Variants in PTPRD observed in about 807,000 individuals in gnomAD.
The protein encoded by PTPRD is receptor-type tyrosine-protein phosphatase delta.
PTPRD carries 34 observed loss-of-function variants against 214.5 expected under a neutral mutation model. The ratio of observed to expected loss-of-function variants is 0.16; its 90% CI spans 0.12 to 0.21. The LOEUF is 0.21. Ranked by LOEUF, PTPRD falls within the 10% of genes least tolerant of loss-of-function variation. The probability of loss-of-function intolerance (pLI) is 1.00; values close to 1 mark genes in which losing one functional copy is unlikely to be tolerated. For synonymous variants in PTPRD, 1,128 were observed against 845.7 expected, an observed-to-expected ratio of 1.33 and a Z score of -5.79; for missense variants, 2,545 against 2,398.7, an observed-to-expected ratio of 1.06 and a Z score of -1.27.
intron 8 of PTPRD, among the ~76,000 whole-genome samples, chr9:9,549,868 G>T (rs138116721): frequency 6.6e-6 from 1 of 151,940 alleles, no homozygotes; most frequent in South Asian, 2.1e-4. Flanking sequence ...AATATCTTGG[G>T]ATCTAGGGCT....
intron 11 of PTPRD, among the ~76,000 whole-genome samples, chr9:8,868,136 G>T (rs879065523): frequency 6.6e-6 from 1 of 152,118 alleles, no homozygotes; most frequent in Admixed American, 6.6e-5. Context: ...TATGTGCCCA[G>T]CCCACGCATA....
At chr9:8,719,986 TA>T (rs1408928513) in intron 12 of PTPRD, among the ~76,000 whole-genome samples, 2 of 152,240 alleles carry the variant, frequency 1.3e-5, no homozygotes, top group African/African-American at 4.8e-5. Context: ...TTGATAACAG[TA>T]ATCACCATGT....
intron 7 of PTPRD, among the ~76,000 whole-genome samples, chr9:9,722,417 TG>T (rs1283205621): frequency 6.6e-6 from 1 of 152,124 alleles, no homozygotes; most frequent in Non-Finnish European, 1.5e-5. Context: ...CTTTTACTTT[TG>T]GAAAAATAGC....
chr9:8,531,025 C>T (rs1056241118), intron 14 of PTPRD, among the ~76,000 whole-genome samples: 12 of 151,970 alleles, frequency 7.9e-5, no homozygotes, highest in African/African-American at 2.9e-4. Flanking sequence ...TAGTTAGGGC[C>T]GGGTACTAAA....
At chr9:8,735,031 C>A (rs1017620599) in intron 11 of PTPRD, among the ~76,000 whole-genome samples, 1 of 152,026 alleles carries the variant, frequency 6.6e-6, no homozygotes, top group African/African-American at 2.4e-5. Context: ...ATGCACGGGG[C>A]CCCCTGGAAG....
intron 9 of PTPRD, among the ~76,000 whole-genome samples, chr9:9,204,489 C>T (rs1349673455): frequency 6.6e-6 from 1 of 152,158 alleles, no homozygotes; most frequent in African/African-American, 2.4e-5. Flanking sequence ...GTTTCCTAGC[C>T]TCTAAGCATT....
chr9:10,083,247 C>T (rs1235829200), intron 3 of PTPRD, among the ~76,000 whole-genome samples: 1 of 151,922 alleles, frequency 6.6e-6, no homozygotes, highest in Non-Finnish European at 1.5e-5. Context: ...ACAGTAATAG[C>T]TTGTCTTTTT....
intron 8 of PTPRD, among the ~76,000 whole-genome samples, chr9:9,479,667 A>C (rs2095312612): frequency 6.6e-6 from 1 of 152,154 alleles, no homozygotes; most frequent in Non-Finnish European, 1.5e-5. Context: ...TTGATAATAA[A>C]TGATGGCAAT....
chr9:10,515,577 T>G (rs1255531568), intron 2 of PTPRD, among the ~76,000 whole-genome samples: 1 of 109,142 alleles, frequency 9.2e-6, no homozygotes, highest in Admixed American at 9.7e-5. Flanking sequence ...TAATTTTTAT[T>G]TAAAATTTGT....
intron 5 of PTPRD, among the ~76,000 whole-genome samples, chr9:9,807,369 T>C (rs1242322868): frequency 1.3e-5 from 2 of 152,084 alleles, no homozygotes; most frequent in African/African-American, 4.8e-5. Flanking sequence ...AAGATAAGTA[T>C]TGAAAATCCT....
intron 12 of PTPRD, among the ~76,000 whole-genome samples, chr9:8,728,400 G>A (rs1565609607): frequency 6.6e-6 from 1 of 152,150 alleles, no homozygotes; most frequent in Non-Finnish European, 1.5e-5. Context: ...GTCTTGCTAT[G>A]TTGTCCAGGC....
intron 10 of PTPRD, among the ~76,000 whole-genome samples, chr9:9,063,089 G>A (rs1430458214): frequency 6.6e-6 from 1 of 152,114 alleles, no homozygotes; most frequent in Non-Finnish European, 1.5e-5. Context: ...TACCTAGATT[G>A]TGTGTGAGAG....
At chr9:9,253,382 A>G (rs1235442115) in intron 9 of PTPRD, among the ~76,000 whole-genome samples, 1 of 152,100 alleles carries the variant, frequency 6.6e-6, no homozygotes, top group Admixed American at 6.5e-5. Context: ...TTATTGGAAA[A>G]TAATGTTATT....
chr9:9,394,869 C>T (rs1433253900), intron 9 of PTPRD, among the ~76,000 whole-genome samples: 2 of 152,178 alleles, frequency 1.3e-5, no homozygotes, highest in Non-Finnish European at 2.9e-5. Flanking sequence ...CTCTACTCCT[C>T]CTTCCATGCT....
At chr9:9,420,004 G>A (rs1004440224) in intron 8 of PTPRD, among the ~76,000 whole-genome samples, 7 of 151,534 alleles carry the variant, frequency 4.6e-5, no homozygotes. Context: ...GTAAGGAAAG[G>A]TAGTTACTCC....
At chr9:8,373,886 CTATCTATCTATCTATCTATCTATCTAT>C (rs2082369275) in intron 39 of PTPRD, among the ~76,000 whole-genome samples, 4 of 124,734 alleles carry the variant, frequency 3.2e-5, no homozygotes, top group African/African-American at 7.6e-5. Flanking sequence ...ATCTATCTAT[CTATCTATCTATCTATCTATCTATCTAT>C]CTACCTACCT....
At chr9:9,551,122 A>G (rs1319978791) in intron 8 of PTPRD, among the ~76,000 whole-genome samples, 1 of 151,858 alleles carries the variant, frequency 6.6e-6, no homozygotes, top group Admixed American at 6.6e-5. Flanking sequence ...AAAAATAAGA[A>G]CTTATGTTCA....
chr9:8,641,681 G>T (rs928939051), intron 12 of PTPRD, among the ~76,000 whole-genome samples: 3 of 152,164 alleles, frequency 2.0e-5, no homozygotes, highest in Non-Finnish European at 4.4e-5. Flanking sequence ...ACATTCTCAG[G>T]ATGCATTCAC....
At chr9:10,599,191 G>A (rs529433686) in intron 2 of PTPRD, among the ~76,000 whole-genome samples, 4 of 151,770 alleles carry the variant, frequency 2.6e-5, no homozygotes, top group African/African-American at 9.6e-5. Context: ...CGAGCAATGT[G>A]ATGGCAGAAA....
Sources: allele counts gnomAD v4.1 joint callset (sites outside exome capture counted in the v4.1 genomes callset), GRCh38; gene constraint gnomAD v4.1.1; transcripts MANE v1.5; gene names NCBI Gene and HGNC (gene_info 2026-07-23, HGNC 2026-07-21).